NBEA: variants seen among roughly 807,000 people sequenced by gnomAD.
NBEA encodes lysosomal-trafficking regulator 2.
Under a neutral mutation model 343.4 loss-of-function variants are expected in NBEA, and 44 were observed. That is an observed-to-expected ratio of 0.13 (90% CI 0.10 to 0.16). The LOEUF (loss-of-function observed/expected upper bound fraction) is 0.16. Ranked by LOEUF, NBEA falls within the 10% of genes least tolerant of loss-of-function variation. The pLI is 1.00. For synonymous variants in NBEA, 1,175 were observed against 1,238.7 expected (o/e 0.95, Z 1.08); for missense variants, 2,555 against 3,631.3 (o/e 0.70, Z 7.62).
chr13:35,146,867 T>TA (rs2068460941), intron 18 of NBEA, among the ~76,000 whole-genome samples: 1 of 152,194 alleles, frequency 6.6e-6, no homozygotes, highest in Admixed American at 6.5e-5. Flanking sequence ...ATTTGATTAA[T>TA]AGGCATTTGG....
At chr13:35,016,589 TACAC>T (rs66655195) in intron 1 of NBEA, among the ~76,000 whole-genome samples, 103,066 of 148,098 alleles carry the variant, frequency 0.7, 38,261 homozygotes, top group Non-Finnish European at 0.82. Flanking sequence ...TGTATGTGTA[TACAC>T]ACACACACAC....
chr13:35,578,300 T>G (rs1191266494), intron 45 of NBEA, among the ~76,000 whole-genome samples: 1 of 152,276 alleles, frequency 6.6e-6, no homozygotes, highest in Admixed American at 6.5e-5. Flanking sequence ...CCTGAATGTT[T>G]CCTTCCATTT....
chr13:35,595,534 A>C (rs1260419790), intron 47 of NBEA, among the ~76,000 whole-genome samples: 2 of 152,044 alleles, frequency 1.3e-5, no homozygotes, highest in African/African-American at 4.8e-5. Context: ...ACATATATAC[A>C]ATAATTTATA....
intron 30 of NBEA, chr13:35,186,783 G>GT (rs2071742005): frequency 6.6e-6 from 1 of 152,060 alleles, no homozygotes; most frequent in Admixed American, 6.6e-5. Flanking sequence ...GTTTAGTTAT[G>GT]TTGTGTAATG....
intron 33 of NBEA, among the ~76,000 whole-genome samples, chr13:35,230,101 AT>A (rs1384997979): frequency 1.3e-5 from 2 of 152,102 alleles, no homozygotes; most frequent in African/African-American, 4.8e-5. Context: ...ATTCTAATAA[AT>A]TTTATAAGAA....
chr13:35,308,456 A>ATATATATATATATATATATATATG (rs2037068453), intron 35 of NBEA, among the ~76,000 whole-genome samples: 3 of 118,076 alleles, frequency 2.5e-5, no homozygotes, highest in African/African-American at 1.2e-4. Flanking sequence ...ATATATATAT[A>ATATATATATATATATATATATATG]TATATATATA....
intron 41 of NBEA, among the ~76,000 whole-genome samples, chr13:35,497,696 A>C (rs1363834884): frequency 6.6e-6 from 1 of 152,042 alleles, no homozygotes; most frequent in Non-Finnish European, 1.5e-5. Context: ...AGACATGTAT[A>C]TTATCTCTTT....
At chr13:35,458,483 T>C (rs531904905) in intron 40 of NBEA, among the ~76,000 whole-genome samples, 32 of 152,334 alleles carry the variant, frequency 2.1e-4, no homozygotes, top group African/African-American at 7.7e-4. Context: ...AGATAATTAT[T>C]GAGTTAGTTT....
intron 34 of NBEA, among the ~76,000 whole-genome samples, chr13:35,237,708 A>G (rs965472976): frequency 3.9e-5 from 6 of 152,222 alleles, no homozygotes; most frequent in Admixed American, 2.0e-4. Context: ...TTTAATGTCT[A>G]TGAAAAGAAA....
chr13:35,355,351 T>C (rs2152868419), intron 38 of NBEA, among the ~76,000 whole-genome samples: 1 of 152,262 alleles, frequency 6.6e-6, no homozygotes, highest in South Asian at 2.1e-4. Flanking sequence ...TCTGCTCCTA[T>C]GCTTAGAAAC....
At chr13:35,584,440 T>A (rs9574176) in intron 46 of NBEA, among the ~76,000 whole-genome samples, 2 of 151,132 alleles carry the variant, frequency 1.3e-5, no homozygotes, top group South Asian at 2.1e-4. Flanking sequence ...TGCCTCAGCC[T>A]CCCGAGTAAC....
chr13:35,113,406 G>A (rs574503060), intron 13 of NBEA, among the ~76,000 whole-genome samples: 57 of 152,230 alleles, frequency 3.7e-4, no homozygotes, highest in African/African-American at 1.3e-3. Flanking sequence ...ATTTGGTGGA[G>A]AAATACATTG....
chr13:35,566,927 C>T lies in NBEA; in HGVS notation c.6945C>T (p.Asn2315=). 6.2e-7 allele frequency: 1 copy of T among 1,608,736 alleles called. No homozygotes were observed. Among genetic ancestry groups the T allele is most frequent in the Non-Finnish European group, 8.5e-7 (1 of 1,175,658 alleles). The part of the protein sequence containing the change: ...TIAGRTYNDL[N]QYPVFPWVLT... ...TAGGACGGACATATAATGATCTGAA[C>T]CAATATCCAGTGTTTCCGTGGGTGT... Residue 2315 remains asparagine, a synonymous_variant, in exon 45 of 59, where the codon AAC becomes AAT. Transcript: ENST00000379939.
At position 35,378,937 on chromosome 13, in the gene NBEA, A is replaced by G. The variant is rs564454003; in HGVS notation, c.6179+26614A>G. ...TGTCTAGTATCTTTTGCCCAATATTACATTTGTGACATTCATTGATATTAT... is the reference window on the plus strand; with the variant it reads ...TGTCTAGTATCTTTTGCCCAATATTGCATTTGTGACATTCATTGATATTAT... On this transcript the variant is annotated intron_variant, in intron 38 of 58. Coordinates refer to ENST00000379939, the MANE Select transcript of NBEA (RefSeq NM_001385012.1). 9.2e-5 allele frequency among the ~76,000 whole-genome samples: 14 copies of G among 152,242 alleles called. No homozygotes were observed. The South Asian group carries it at 2.7e-3, about 29-fold the overall frequency.
intron 47 of NBEA, among the ~76,000 whole-genome samples, chr13:35,604,560 CTCCTT>C (rs2082202676): frequency 1.3e-5 from 2 of 149,516 alleles, no homozygotes; most frequent in Non-Finnish European, 3.0e-5. Flanking sequence ...TCTCCAATCT[CTCCTT>C]TACTTTGTCA....
intron 41 of NBEA, among the ~76,000 whole-genome samples, chr13:35,487,608 A>G (rs1211398438): frequency 6.6e-6 from 1 of 151,856 alleles, no homozygotes; most frequent in Non-Finnish European, 1.5e-5. Flanking sequence ...TGAATGAGAA[A>G]CTTACTACCT....
chr13:35,126,314 A>G (rs1192172467), intron 17 of NBEA, among the ~76,000 whole-genome samples: 1 of 152,176 alleles, frequency 6.6e-6, no homozygotes, highest in East Asian at 1.9e-4. Flanking sequence ...CTGTGAGTCA[A>G]TTAAACCTCT....
chr13:35,151,716 T>C lies in NBEA; in HGVS notation c.2446-4058T>C, dbSNP rs1009524008. ...TCTGAGGTGAATTTATTCTGTAGGA[T>C]ATATACTAAGAAGTGAGTTAACTTT... On this transcript the variant is annotated intron_variant, in intron 18 of 58. Coordinates refer to ENST00000379939, the MANE Select transcript of NBEA (RefSeq NM_001385012.1). Among the ~76,000 whole-genome samples, 44 of 152,230 alleles carry C rather than the reference T, an allele frequency of 2.9e-4. 1 individual carries two copies. The highest frequency in any genetic ancestry group is 9.9e-4 in the African/African-American group (41 of 41,562).
intron 48 of NBEA, among the ~76,000 whole-genome samples, chr13:35,621,786 A>T (rs941043204): frequency 1.3e-5 from 2 of 152,192 alleles, no homozygotes; most frequent in African/African-American, 2.4e-5. Flanking sequence ...ATAAATATTT[A>T]TTAAACAGTT....
Sources: allele counts gnomAD v4.1 joint callset (sites outside exome capture counted in the v4.1 genomes callset), GRCh38; gene constraint gnomAD v4.1.1; transcripts MANE v1.5; gene names NCBI Gene and HGNC (gene_info 2026-07-23, HGNC 2026-07-21).